The following TULP4 variants were observed in gnomAD, a reference collection of about 807,000 sequenced individuals.
TULP4 encodes the protein tubby-related protein 4.
In TULP4, 16 loss-of-function variants were observed where a neutral mutation model predicts 129.0. The observed-to-expected ratio is 0.12, with a 90% CI of 0.08 to 0.19. TULP4 has a LOEUF of 0.19. Ranked by LOEUF, TULP4 falls within the 10% of genes least tolerant of loss-of-function variation. TULP4 has a pLI of 1.00. For synonymous variants in TULP4, 998 were observed against 854.0 expected (o/e 1.17, Z -2.94); for missense variants, 1,842 against 2,059.1 (o/e 0.89, Z 2.04).
intron 1 of TULP4, among the ~76,000 whole-genome samples, chr6:158,349,304 G>C (rs1780422417): frequency 7.4e-6 from 1 of 135,052 alleles, no homozygotes; most frequent in South Asian, 2.6e-4. Flanking sequence ...CCGGTCAGAG[G>C]TGCTCCCTCA....
upstream of TULP4, among the ~76,000 whole-genome samples, chr6:158,277,582 T>C (rs1029829761): frequency 6.6e-6 from 1 of 152,202 alleles, no homozygotes; most frequent in African/African-American, 2.4e-5. Context: ...TTGGCCACAG[T>C]AGCCAAAACA....
chr6:158,483,839 T>G (rs573883472), intron 8 of TULP4, among the ~76,000 whole-genome samples: 1 of 152,218 alleles, frequency 6.6e-6, no homozygotes, highest in Admixed American at 6.5e-5. Context: ...CTAAAGTTTG[T>G]GATCCACTGT....
At chr6:158,478,916 C>G (rs1779876958) in intron 6 of TULP4, among the ~76,000 whole-genome samples, 1 of 152,174 alleles carries the variant, frequency 6.6e-6, no homozygotes, top group Non-Finnish European at 1.5e-5. Flanking sequence ...GTGTTCTCCT[C>G]AATCGCCTTT....
In TULP4 at chr6:158,305,919, G is replaced by A. The variant is rs146897389; in HGVS notation, n.117-6132G>A. ...CTTAATCAGTTTAGTTACCATTCTC[G>A]TTTTCTCATCTTTATGAGAAAAGGT... On this transcript the variant is annotated intron_variant and non_coding_transcript_variant, in intron 1 of 1. Transcript: ENST00000432358. Among the ~76,000 whole-genome samples, 24 of 152,034 alleles carry A rather than the reference G, an allele frequency of 1.6e-4. No homozygotes were observed. The East Asian group carries it at 4.5e-3, about 28-fold the overall frequency.
chr6:158,428,215 G>A (rs1778546728), intron 2 of TULP4: 1 of 152,182 alleles, frequency 6.6e-6, no homozygotes. Flanking sequence ...CAGATGATTT[G>A]GCAGGCTTGT....
chr6:158,503,095 G>A lies in TULP4; in HGVS notation c.3432G>A (p.Gly1144=). 1.2e-6 allele frequency: 2 copies of A among 1,614,132 alleles called. No individual in the cohort carries two copies. Among genetic ancestry groups the A allele is most frequent in the East Asian group, 2.2e-5 (1 of 44,864 alleles). Residue 1144 remains glycine, a synonymous_variant, in exon 13 of 14, where the codon GGG becomes GGA. Coordinates refer to ENST00000367097, the MANE Select transcript of TULP4 (RefSeq NM_020245.5). This position sits in a 1 kb window ranked among gnomAD's most constrained non-coding sequence, Gnocchi z 4.3. ...AAGAAAGGACAGCACAGACTTCAGGGCCCAACCCCTTAAAACTGTCCTCTC... is the reference window on the plus strand; with the variant it reads ...AAGAAAGGACAGCACAGACTTCAGGACCCAACCCCTTAAAACTGTCCTCTC... ...VPQERTAQTS[G]PNPLKLSSLM...
At chr6:158,236,790 C>CTTTTTTTTTTTTTTT (rs1562489169) in intron 1 of TULP4, among the ~76,000 whole-genome samples, 5 of 33,114 alleles carry the variant, frequency 1.5e-4, no homozygotes, top group Non-Finnish European at 1.2e-4. Flanking sequence ...ATGCCCAATT[C>CTTTTTTTTTTTTTTT]TTTTCTTTTT....
At chr6:158,436,462 A>G (rs142997619) in intron 3 of TULP4, among the ~76,000 whole-genome samples, 1 of 152,340 alleles carries the variant, frequency 6.6e-6, no homozygotes, top group East Asian at 1.9e-4. Flanking sequence ...GAATGTAGGT[A>G]AAGTGAGTTT....
intron 1 of TULP4, among the ~76,000 whole-genome samples, chr6:158,255,478 T>C (rs1445733998): frequency 1.3e-5 from 2 of 152,128 alleles, no homozygotes; most frequent in African/African-American, 4.8e-5. Flanking sequence ...AGAGACCTAG[T>C]TCTGGTCAGT....
Position 158,493,647 on chromosome 6 carries a change from C to G in TULP4, c.1706C>G (p.Pro569Arg). 6.3e-7 allele frequency: 1 copy of G among 1,599,648 alleles called. No individual in the cohort carries two copies. The highest frequency in any genetic ancestry group is 8.5e-7 in the Non-Finnish European group (1 of 1,173,418). The change falls in exon 10 of 14, where the codon CCC becomes CGC. Residue 569 changes from proline to arginine, a missense_variant. By Grantham distance (103) the Pro-to-Arg change is moderately radical. This residue lies in a region of TULP4 where 456 missense variants were observed against 534.3 expected (regional missense o/e 0.85). Coordinates refer to ENST00000367097, the MANE Select transcript of TULP4 (RefSeq NM_020245.5). The surrounding 1 kb of genome is among the most constrained non-coding windows in gnomAD (Gnocchi z 4.4). ...GAGCTCTCCCGGTCCCCACGGTTGCCCCTGCGCAAGCCCTCTGTGGGCTCG... is the reference window on the plus strand; with the variant it reads ...GAGCTCTCCCGGTCCCCACGGTTGCGCCTGCGCAAGCCCTCTGTGGGCTCG... ...AQELSRSPRL[P>R]LRKPSVGSPS... is the part of the protein sequence containing the mutation.
chr6:158,259,165 G>C (rs1778304872), intron 1 of TULP4, among the ~76,000 whole-genome samples: 1 of 152,238 alleles, frequency 6.6e-6, no homozygotes, highest in African/African-American at 2.4e-5. Flanking sequence ...GGGAGGTAGA[G>C]GTTGCAGTGA....
intron 3 of TULP4, among the ~76,000 whole-genome samples, chr6:158,448,755 A>G (rs1779105375): frequency 6.6e-6 from 1 of 152,236 alleles, no homozygotes; most frequent in African/African-American, 2.4e-5. Context: ...GAAAACGTTC[A>G]TGCAATATAA....
chr6:158,390,049 C>T (rs1000335182), intron 1 of TULP4, among the ~76,000 whole-genome samples: 9 of 146,556 alleles, frequency 6.1e-5, no homozygotes, highest in Non-Finnish European at 1.2e-4. Context: ...CCAGCCTGGA[C>T]GACAGAGTGA....
intron 1 of TULP4, among the ~76,000 whole-genome samples, chr6:158,259,209 T>C (rs1338946825): frequency 6.6e-6 from 1 of 152,228 alleles, no homozygotes; most frequent in Non-Finnish European, 1.5e-5. Context: ...CAGCCAGAGC[T>C]TGCTGTTAGA....
At chr6:158,236,927 C>T (rs1777722204) in intron 1 of TULP4, among the ~76,000 whole-genome samples, 1 of 149,980 alleles carries the variant, frequency 6.7e-6, no homozygotes, top group Non-Finnish European at 1.5e-5. Flanking sequence ...GATTCTGCCT[C>T]AGCCACCCGA....
chr6:158,437,743 G>C (rs569675479), intron 3 of TULP4: 4 of 152,100 alleles, frequency 2.6e-5, no homozygotes, highest in Non-Finnish European at 5.9e-5. Context: ...GTACAATTTA[G>C]AACTCAAGGA....
At chr6:158,349,021 C>A (rs374444808) in intron 1 of TULP4, among the ~76,000 whole-genome samples, 1 of 21,644 alleles carries the variant, frequency 4.6e-5, no homozygotes. Flanking sequence ...ACTTCCCAGA[C>A]GGGGCAGCCG....
intron 1 of TULP4, among the ~76,000 whole-genome samples, chr6:158,293,309 T>G (rs1447580853): frequency 6.6e-6 from 1 of 152,214 alleles, no homozygotes; most frequent in African/African-American, 2.4e-5. Context: ...GGCTTCCAAG[T>G]GGCTGGTGTT....
Position 158,502,543 on chromosome 6 carries a change from G to A in TULP4, c.2880G>A (p.Pro960=), listed in dbSNP as rs770657549. 52 of 1,609,154 alleles carry A rather than the reference G, an allele frequency of 3.2e-5. No individual in the cohort carries two copies. Among genetic ancestry groups the A allele is most frequent in the South Asian group, 2.4e-4 (22 of 91,082 alleles). ...CCATCCCCACCGGGGACCCACCCCC[G>A]TATCCTGAAATTGCCAGCCAGCTGG... ...RYSIPTGDPP[P]YPEIASQLAQ... Residue 960 remains proline (P), a synonymous_variant, in exon 13 of 14, where the codon CCG becomes CCA. Transcript: ENST00000367097.
Sources: gnomAD v4.1 joint callset for allele counts (sites outside exome capture counted in the v4.1 genomes callset) on GRCh38, gnomAD v4.1.1 for gene constraint, gnomAD v4.1.1 regional missense constraint, Gnocchi (gnomAD v3.1) non-coding constraint, MANE v1.5 for transcripts, NCBI Gene and HGNC (gene_info 2026-07-23, HGNC 2026-07-21) for gene names.